EPHA4: variants seen among roughly 807,000 people sequenced by gnomAD.
The protein encoded by EPHA4 is ephrin type-A receptor 4.
In EPHA4, 19 loss-of-function variants were observed where a neutral mutation model predicts 108.3. The observed-to-expected ratio is 0.18, with a 90% CI of 0.12 to 0.26. EPHA4 has a LOEUF of 0.26. Ranked by LOEUF, EPHA4 falls within the 10% of genes least tolerant of loss-of-function variation. The pLI is 1.00. For synonymous variants in EPHA4, 449 were observed against 455.5 expected, an observed-to-expected ratio of 0.99 and a Z score of 0.18; for missense variants, 917 against 1,254.0, an observed-to-expected ratio of 0.73 and a Z score of 4.06.
At chr2:221,442,259 G>A (rs1341041144) in intron 11 of EPHA4, among the ~76,000 whole-genome samples, 9 of 152,200 alleles carry the variant, frequency 5.9e-5, no homozygotes, top group Admixed American at 5.2e-4. Flanking sequence ...GTTGAGCTGT[G>A]TCGCATTTTA....
intron 3 of EPHA4, among the ~76,000 whole-genome samples, chr2:221,562,379 C>G (rs1022969033): frequency 1.3e-5 from 2 of 152,160 alleles, no homozygotes; most frequent in African/African-American, 4.8e-5. Context: ...TAACGTGTAA[C>G]TTTATGACAC....
chr2:221,468,735 T>C (rs1200517500), intron 5 of EPHA4, among the ~76,000 whole-genome samples: 1 of 152,222 alleles, frequency 6.6e-6, no homozygotes, highest in Admixed American at 6.5e-5. Context: ...CTCCAGAAAC[T>C]TGACCAATCA....
intron 5 of EPHA4, among the ~76,000 whole-genome samples, chr2:221,460,465 G>A (rs1691102658): frequency 6.6e-6 from 1 of 152,174 alleles, no homozygotes; most frequent in Non-Finnish European, 1.5e-5. Flanking sequence ...TTGATCAGAT[G>A]TTCTTCAGAA....
At chr2:221,510,064 T>C (rs1692779664) in intron 3 of EPHA4, among the ~76,000 whole-genome samples, 1 of 152,254 alleles carries the variant, frequency 6.6e-6, no homozygotes, top group African/African-American at 2.4e-5. Context: ...TCATTATTCC[T>C]ATAGCACAGT....
chr2:221,543,001 T>C (rs557397281), intron 3 of EPHA4, among the ~76,000 whole-genome samples: 8 of 152,296 alleles, frequency 5.3e-5, no homozygotes, highest in South Asian at 4.1e-4. Context: ...AATTAACATA[T>C]AATGATCCTA....
In EPHA4 at chr2:221,426,118, T is replaced by C. The variant is rs1689897651; in HGVS notation, c.2871A>G (p.Thr957=). 1 of 1,614,032 alleles carries C rather than the reference T, an allele frequency of 6.2e-7. No individual in the cohort carries two copies. Among genetic ancestry groups the C allele is most frequent in the South Asian group, 1.1e-5 (1 of 91,084 alleles). ...NQEDLARIGI[T]AITHQNKILS... is the part of the protein sequence containing the mutation. ...AAATCTTATTCTGGTGCGTGATGGC[T>C]GTGATACCAATTCTTGCCAGGTCCC... Residue 957 remains threonine, a synonymous_variant, in exon 17 of 18, where the codon ACA becomes ACG. Transcript: ENST00000281821.
At chr2:221,438,314 G>A (rs562052663) in intron 11 of EPHA4, among the ~76,000 whole-genome samples, 1 of 151,988 alleles carries the variant, frequency 6.6e-6, no homozygotes, top group African/African-American at 2.4e-5. Flanking sequence ...CTTGATCACA[G>A]GCAATAGGCT....
At chr2:221,522,958 G>A (rs923325586) in intron 3 of EPHA4, among the ~76,000 whole-genome samples, 2 of 151,856 alleles carry the variant, frequency 1.3e-5, no homozygotes, top group Non-Finnish European at 2.9e-5. Flanking sequence ...CACCATGTTC[G>A]CCAGGCTGGT....
At chr2:221,438,116 T>G (rs192467194) in intron 11 of EPHA4, among the ~76,000 whole-genome samples, 11 of 152,226 alleles carry the variant, frequency 7.2e-5, no homozygotes, top group Admixed American at 6.5e-4. Flanking sequence ...AGAAAATTAT[T>G]TCATCTGAGA....
intron 3 of EPHA4, among the ~76,000 whole-genome samples, chr2:221,541,170 G>C (rs1346570260): frequency 6.6e-6 from 1 of 152,094 alleles, no homozygotes; most frequent in Admixed American, 6.6e-5. Context: ...GGGTGGCCTT[G>C]AACTCCTGGA....
At chr2:221,526,073 A>T (rs948463308) in intron 3 of EPHA4, among the ~76,000 whole-genome samples, 25 of 152,258 alleles carry the variant, frequency 1.6e-4, no homozygotes, top group African/African-American at 4.8e-4. Flanking sequence ...CTTTATATAC[A>T]TAATCATACT....
In EPHA4 at chr2:221,511,456, GTTTCTGTACCTCACTTCCGA is replaced by G. The variant is rs747722888; in HGVS notation, c.824-10304_824-10285del. On this transcript the variant is annotated intron_variant, in intron 3 of 17. Transcript: ENST00000281821. ...ACACCAACCTGTAACCAATCCAGCT[GTTTCTGTACCTCACTTCCGA>G]TTTCTGTACCTCACTTCCGATTTCT... Among the ~76,000 whole-genome samples the G allele has an allele frequency of 6.8e-3, 972 of 143,936 alleles. 7 individuals are homozygous for G. The highest frequency in any genetic ancestry group is 0.02 in the African/African-American group (816 of 40,774). The allele number at this position is 143,936 out of a possible 152,430, so 94.4% of individuals were successfully genotyped here. A position where few individuals can be genotyped will look rare whatever the true frequency, so the allele number is the denominator to read the frequency against.
chr2:221,494,453 A>C (rs1161799083), intron 4 of EPHA4, among the ~76,000 whole-genome samples: 1 of 152,132 alleles, frequency 6.6e-6, no homozygotes, highest in Non-Finnish European at 1.5e-5. Flanking sequence ...AAAATACAAA[A>C]ATATTAGCTG....
chr2:221,573,640 G>A, upstream of EPHA4: 1 of 152,372 alleles, frequency 6.6e-6, no homozygotes, highest in Non-Finnish European at 1.5e-5. The surrounding 1 kb of genome is among the most constrained non-coding windows in gnomAD (Gnocchi z 4.5). Flanking sequence ...CGGCCGCTGG[G>A]AGGTGGAGGA....
chr2:221,449,129 A>C (rs1690689800), intron 8 of EPHA4, among the ~76,000 whole-genome samples: 1 of 152,174 alleles, frequency 6.6e-6, no homozygotes, highest in Non-Finnish European at 1.5e-5. Context: ...AAATGGCTGA[A>C]AAAAAACCAC....
intron 4 of EPHA4, among the ~76,000 whole-genome samples, chr2:221,497,601 G>C (rs1692337104): frequency 6.6e-6 from 1 of 151,906 alleles, no homozygotes; most frequent in African/African-American, 2.4e-5. Flanking sequence ...AAACAGGTGT[G>C]GTGGTGGGCG....
chr2:221,438,196 A>G (rs1690307032), intron 11 of EPHA4, among the ~76,000 whole-genome samples: 1 of 151,874 alleles, frequency 6.6e-6, no homozygotes, highest in African/African-American at 2.4e-5. Flanking sequence ...TTTTTTCTGC[A>G]AAGAAATAAA....
intron 17 of EPHA4, 139 bp from the exon 18 acceptor site, chr2:221,420,691 C>T (rs1197112757): frequency 7.9e-5 from 12 of 152,008 alleles, no homozygotes; most frequent in Non-Finnish European, 1.2e-4. Flanking sequence ...GGTGAGATCA[C>T]GAATTATACT....
intron 11 of EPHA4, among the ~76,000 whole-genome samples, chr2:221,441,326 G>A (rs1003739745): frequency 6.6e-6 from 1 of 151,580 alleles, no homozygotes; most frequent in Non-Finnish European, 1.5e-5. Flanking sequence ...CAGGCGGCAG[G>A]GAAATACTGG....
Sources: allele counts gnomAD v4.1 joint callset (sites outside exome capture counted in the v4.1 genomes callset), GRCh38; gene constraint gnomAD v4.1.1; non-coding constraint Gnocchi (gnomAD v3.1); transcripts MANE v1.5; gene names NCBI Gene and HGNC (gene_info 2026-07-23, HGNC 2026-07-21).